Variants in PTPRD observed in about 807,000 individuals in gnomAD.
PTPRD encodes protein tyrosine phosphatase receptor type D.
Under a neutral mutation model 214.5 loss-of-function variants are expected in PTPRD, and 34 were observed. The observed-to-expected ratio is 0.16, with a 90% CI of 0.12 to 0.21. The LOEUF is 0.21. Among genes scored for constraint, PTPRD ranks in the 10% least tolerant of loss-of-function variants. The pLI, the probability that PTPRD is intolerant of heterozygous loss-of-function variation, is 1.00. For missense variants in PTPRD, 2,545 were observed against 2,398.7 expected (o/e 1.06, Z -1.27); for synonymous variants, 1,128 against 845.7 (o/e 1.33, Z -5.79).
chr9:8,682,044 T>C (rs990106160), intron 12 of PTPRD, among the ~76,000 whole-genome samples: 8 of 152,244 alleles, frequency 5.3e-5, no homozygotes, highest in East Asian at 1.9e-4. Flanking sequence ...AATCACTTCA[T>C]AGCCCACATT....
intron 2 of PTPRD, among the ~76,000 whole-genome samples, chr9:10,609,110 G>A (rs1255205009): frequency 6.6e-6 from 1 of 151,920 alleles, no homozygotes; most frequent in African/African-American, 2.4e-5. Flanking sequence ...TTCAGGATAG[G>A]TGTAAGCCCA....
At chr9:9,563,147 A>G (rs2083408576) in intron 8 of PTPRD, among the ~76,000 whole-genome samples, 1 of 152,174 alleles carries the variant, frequency 6.6e-6, no homozygotes, top group Non-Finnish European at 1.5e-5. Context: ...CTTTGGTAGG[A>G]GCAGAAAGAG....
chr9:9,624,174 T>C (rs1181297256), intron 7 of PTPRD, among the ~76,000 whole-genome samples: 1 of 152,202 alleles, frequency 6.6e-6, no homozygotes, highest in Non-Finnish European at 1.5e-5. Flanking sequence ...GCCATCATCT[T>C]ACATTGTATT....
chr9:9,555,616 T>G (rs2081327951), intron 8 of PTPRD, among the ~76,000 whole-genome samples: 1 of 152,096 alleles, frequency 6.6e-6, no homozygotes, highest in Non-Finnish European at 1.5e-5. Flanking sequence ...GCTTTCTATT[T>G]TAGAAATAGG....
chr9:8,793,053 G>A (rs13290351), intron 11 of PTPRD, among the ~76,000 whole-genome samples: 24,948 of 152,140 alleles, frequency 0.16, 2,613 homozygotes, highest in Admixed American at 0.22. Context: ...GTCCTGTAGC[G>A]CTTTAGCGGC....
intron 3 of PTPRD, among the ~76,000 whole-genome samples, chr9:10,302,908 GACCTA>G (rs1177551092): frequency 6.6e-6 from 1 of 152,122 alleles, no homozygotes; most frequent in African/African-American, 2.4e-5. Context: ...GAACCAAGTG[GACCTA>G]ATAGACATCA....
chr9:8,608,552 C>T (rs778167527), intron 14 of PTPRD, among the ~76,000 whole-genome samples: 1 of 152,014 alleles, frequency 6.6e-6, no homozygotes, highest in African/African-American at 2.4e-5. Flanking sequence ...GTGTCTCTCC[C>T]ATATCTTCTT....
chr9:9,530,994 C>G (rs1569569044), intron 8 of PTPRD, among the ~76,000 whole-genome samples: 2 of 152,144 alleles, frequency 1.3e-5, no homozygotes, highest in African/African-American at 4.8e-5. Flanking sequence ...GCTAACTATA[C>G]TAAGCAATGA....
At chr9:8,537,119 CATT>C (rs2077150275) in intron 14 of PTPRD, among the ~76,000 whole-genome samples, 1 of 151,856 alleles carries the variant, frequency 6.6e-6, no homozygotes, top group Non-Finnish European at 1.5e-5. Context: ...ACATCATGAC[CATT>C]ATTATTCAAA....
chr9:8,764,825 T>C (rs1050835687), intron 11 of PTPRD, among the ~76,000 whole-genome samples: 12 of 150,470 alleles, frequency 8.0e-5, no homozygotes, highest in African/African-American at 2.9e-4. Context: ...ATAATAATAA[T>C]AATAATAATA....
chr9:8,476,217 C>T (rs2096761514), intron 30 of PTPRD, among the ~76,000 whole-genome samples: 1 of 152,170 alleles, frequency 6.6e-6, no homozygotes, highest in Non-Finnish European at 1.5e-5. Context: ...TGTTCCACCT[C>T]AGATCATCAG....
At chr9:9,574,531 G>T (rs907583789) in intron 8 of PTPRD, among the ~76,000 whole-genome samples, 3 of 151,792 alleles carry the variant, frequency 2.0e-5, no homozygotes, top group East Asian at 1.9e-4. Context: ...ATCTATCAAA[G>T]ACTATATCAA....
rs1041087157 is a variant in PTPRD, at chr9:8,806,602, C to T, written c.-103-72656G>A. Among the ~76,000 whole-genome samples the T allele has an allele frequency of 7.9e-5, 12 of 152,212 alleles. No homozygotes were observed. In the East Asian group the frequency reaches 1.7e-3, roughly 22 times the overall value. ...AAATATCCAGCAAGTATTGACAAAGCCTTCCTGAAATTAATTCTATATGTT... is the reference window on the plus strand; with the variant it reads ...AAATATCCAGCAAGTATTGACAAAGTCTTCCTGAAATTAATTCTATATGTT... On this transcript the variant is annotated intron_variant, in intron 11 of 45. Coordinates refer to ENST00000381196, the MANE Select transcript of PTPRD (RefSeq NM_002839.4).
chr9:9,840,643 G>T (rs554499585), intron 5 of PTPRD, among the ~76,000 whole-genome samples: 125 of 151,724 alleles, frequency 8.2e-4, no homozygotes, highest in African/African-American at 2.8e-3. Context: ...CGTGCCTGTA[G>T]TCCCAGCTAC....
chr9:8,365,625 TA>T (rs2079636660), intron 39 of PTPRD, among the ~76,000 whole-genome samples: 1 of 151,952 alleles, frequency 6.6e-6, no homozygotes, highest in African/African-American at 2.4e-5. Context: ...AGAGGTAGAA[TA>T]AATGAGGTCA....
At chr9:9,207,332 A>G (rs529078815) in intron 9 of PTPRD, among the ~76,000 whole-genome samples, 109 of 152,330 alleles carry the variant, frequency 7.2e-4, no homozygotes, top group Middle Eastern at 3.4e-3. Context: ...TAAGTTACAC[A>G]TAGAATTCGG....
At chr9:9,715,419 TCATAACATTA>T (rs1260251562) in intron 7 of PTPRD, among the ~76,000 whole-genome samples, 5 of 152,100 alleles carry the variant, frequency 3.3e-5, no homozygotes, top group African/African-American at 1.2e-4. Context: ...CTCTATCATT[TCATAACATTA>T]GTGATAGAAA....
At chr9:9,763,021 T>C (rs2098673567) in intron 6 of PTPRD, among the ~76,000 whole-genome samples, 1 of 152,198 alleles carries the variant, frequency 6.6e-6, no homozygotes, top group Non-Finnish European at 1.5e-5. Context: ...CTCTCCTTTG[T>C]GTGTAAGCAG....
chr9:8,424,650 CTG>C (rs2094547645), intron 35 of PTPRD, among the ~76,000 whole-genome samples: 1 of 118,056 alleles, frequency 8.5e-6, no homozygotes, highest in Non-Finnish European at 1.7e-5. Context: ...TAAAAATACT[CTG>C]TTAAACTGGC....
Sources: allele counts gnomAD v4.1 joint callset (sites outside exome capture counted in the v4.1 genomes callset), GRCh38; gene constraint gnomAD v4.1.1; transcripts MANE v1.5; gene names NCBI Gene and HGNC (gene_info 2026-07-23, HGNC 2026-07-21).